STK25: variants seen among roughly 807,000 people sequenced by gnomAD.
STK25 encodes serine/threonine-protein kinase 25.
In STK25, 29 loss-of-function variants were observed where a neutral mutation model predicts 53.8. The ratio of observed to expected loss-of-function variants is 0.54; its 90% CI spans 0.40 to 0.74. The LOEUF (loss-of-function observed/expected upper bound fraction) is 0.74. STK25 is among the 30% of genes least tolerant of loss of function. The pLI, the probability that STK25 is intolerant of heterozygous loss-of-function variation, is 0.00. For synonymous variants in STK25, 247 were observed against 238.3 expected (o/e 1.04, Z -0.33); for missense variants, 420 against 568.0 (o/e 0.74, Z 2.65).
intron 2 of STK25, chr2:241,502,006 A>C (rs1193583174): frequency 1.3e-5 from 4 of 313,438 alleles, no homozygotes; most frequent in Non-Finnish European, 2.5e-5. Flanking sequence ...CATCTCTAAT[A>C]CAAAAAAATT....
rs143517612 is a variant in STK25, at chr2:241,506,081, C to T, written c.30+1925G>A. 2.6e-3 allele frequency among the ~76,000 whole-genome samples: 392 copies of T among 152,348 alleles called. 2 individuals are homozygous for T. Among genetic ancestry groups the T allele is most frequent in the African/African-American group, 7.9e-3 (328 of 41,586 alleles). On this transcript the variant is annotated intron_variant, in intron 2 of 11. Coordinates refer to ENST00000316586, the MANE Select transcript of STK25 (RefSeq NM_001271977.2). ...AGTGCTCTGGCACCCCACAGCCATT[C>T]GGGCCCTCCAGGGCCAGGCAGGAAC...
chr2:241,507,592 C>A (rs2065915161), intron 2 of STK25, among the ~76,000 whole-genome samples: 1 of 152,232 alleles, frequency 6.6e-6, no homozygotes, highest in Non-Finnish European at 1.5e-5. Flanking sequence ...CAGCCCCTGC[C>A]CAGCCCAACA....
rs990056006 is a variant in STK25 at position 241,508,429 on chromosome 2, G to A, written c.-101+14C>T. On this transcript the variant is annotated intron_variant, in intron 1 of 11. Transcript: ENST00000316586. ...CCCAATCGCCGCAAGCGCCCCGCCC[G>A]GCAGCGCGCCCACCTCCGCGGGGCT... 1 of 1,051,154 alleles carries A rather than the reference G, an allele frequency of 9.5e-7. No individual in the cohort carries two copies. Among genetic ancestry groups the A allele is most frequent in the South Asian group, 2.7e-5 (1 of 36,884 alleles). The allele number at this position is 1,051,154 out of a possible 1,614,324, so 65.1% of individuals were successfully genotyped here.
At position 241,493,210 on chromosome 2, in the gene STK25, C is replaced by T; in HGVS notation, c.*2452G>A. 2.0e-6 allele frequency: 3 copies of T among 1,467,870 alleles called. No homozygotes were observed. The East Asian group carries it at 6.8e-5, about 33-fold the overall frequency. 90.9% of individuals were successfully genotyped at this position (1,467,870 alleles called of 1,614,324 possible). A position where few individuals can be genotyped will look rare whatever the true frequency, so the allele number is the denominator to read the frequency against. ...TTGGCCCGTGGGCATTTGTACGTGC[C>T]ACCGTTGTGCAGGTAGCAGAGGAAT... On this transcript the variant is annotated 3_prime_UTR_variant, in exon 12 of 12. Transcript: ENST00000316586.
rs766948856 is a variant in STK25 at position 241,495,718 on chromosome 2, C to T, written c.1242-17G>A. On this transcript the variant is annotated splice_polypyrimidine_tract_variant and intron_variant, in intron 11 of 11. Coordinates refer to ENST00000316586, the MANE Select transcript of STK25 (RefSeq NM_001271977.2). Reference sequence around the variant, plus strand: ...TGTGAAAACCTGCAGAGAGAAGAGCCCACTGCTGCGTGCGTGCACCTCTGT... The same window carrying T: ...TGTGAAAACCTGCAGAGAGAAGAGCTCACTGCTGCGTGCGTGCACCTCTGT... The T allele has an allele frequency of 1.4e-5, 23 of 1,613,938 alleles. No homozygotes were observed. The East Asian group carries it at 4.2e-4, about 30-fold the overall frequency.
chr2:241,493,950 T>C lies in STK25; in HGVS notation c.*1712A>G. The C allele has an allele frequency of 8.9e-7, 1 of 1,117,640 alleles. No homozygotes were observed. The highest frequency in any genetic ancestry group is 1.2e-6 in the Non-Finnish European group (1 of 822,512). 69.2% of individuals were successfully genotyped at this position (1,117,640 alleles called of 1,614,324 possible). On this transcript the variant is annotated 3_prime_UTR_variant, in exon 12 of 12. Transcript: ENST00000316586. ...CTTGTCCCATATCCTGGGTTGTTCT[T>C]GGGACAGTGTCTGAGCACAAGATGG... is the stretch of plus-strand genomic sequence containing the variant.
intron 7 of STK25, 58 bp from the exon 8 acceptor site, chr2:241,498,842 A>G: frequency 6.2e-7 from 1 of 1,609,198 alleles, no homozygotes; most frequent in South Asian, 1.1e-5. Context: ...GCCTAAGGGA[A>G]GCAAACGTGA....
In STK25 at chr2:241,501,422, A is replaced by G. The variant is rs2065504443; in HGVS notation, c.261+56T>C. 6.5e-7 allele frequency: 1 copy of G among 1,549,170 alleles called. No individual in the cohort carries two copies. The highest frequency in any genetic ancestry group is 8.9e-7 in the Non-Finnish European group (1 of 1,129,914). Reference sequence around the variant, plus strand: ...TGGCATGTCACTCAGTCCCTCTGACATGGAAGAGAGCCGGGCACAGCACCA... The same window carrying G: ...TGGCATGTCACTCAGTCCCTCTGACGTGGAAGAGAGCCGGGCACAGCACCA... On this transcript the variant is annotated intron_variant, in intron 3 of 11. Transcript: ENST00000316586. This position sits in a 1 kb window ranked among gnomAD's most constrained non-coding sequence, Gnocchi z 5.3.
upstream of STK25, chr2:241,509,213 G>A (rs2066029993): frequency 6.6e-6 from 1 of 152,500 alleles, no homozygotes; most frequent in African/African-American, 2.4e-5. Flanking sequence ...TCCTGCCTCA[G>A]TTTCCTTACC....
At position 241,501,649 on chromosome 2, in the gene STK25, C is replaced by T. The variant is rs757012371; in HGVS notation, c.90G>A (p.Ser30=). The change falls in exon 3 of 12, where the codon TCG becomes TCA. Residue 30 remains serine, a synonymous_variant. Transcript: ENST00000316586. This position sits in a 1 kb window ranked among gnomAD's most constrained non-coding sequence, Gnocchi z 5.3. ...CGATGCCCTTGTAGACCTCCCCAAA[C>T]GAGCCCTTGCCAATGCGGTCGAGCT... is the stretch of plus-strand genomic sequence containing the variant. ...FTKLDRIGKG[S]FGEVYKGIDN... is the part of the protein sequence containing the mutation. 1.5e-5 allele frequency: 25 copies of T among 1,613,960 alleles called. No individual in the cohort carries two copies. The highest frequency in any genetic ancestry group is 8.0e-5 in the African/African-American group (6 of 74,924).
chr2:241,507,544 C>G (rs559522906), intron 2 of STK25, among the ~76,000 whole-genome samples: 2 of 152,264 alleles, frequency 1.3e-5, no homozygotes, highest in Non-Finnish European at 1.5e-5. Flanking sequence ...TGCTTCTCCA[C>G]AATCTCAGCC....
chr2:241,495,786 GCAGCCC>G, intron 11 of STK25, 85 bp from the exon 12 acceptor site: 2 of 1,474,144 alleles, frequency 1.4e-6, no homozygotes, highest in South Asian at 2.3e-5. Context: ...GTCTGCGGTG[GCAGCCC>G]TGACAAGCCA....
rs143143846 is a variant in STK25 at position 241,498,319 on chromosome 2, G to C, written c.948C>G (p.Gly316=). The part of the protein sequence containing the change: ...IDGEAEDGEQ[G]PIWTFPPTIR... ...TGGTAGGGGGGAACGTCCAGATGGGGCCCTGCTCCCCGTCCTCCGCCTCGC... is the reference window on the plus strand; with the variant it reads ...TGGTAGGGGGGAACGTCCAGATGGGCCCCTGCTCCCCGTCCTCCGCCTCGC... The change falls in exon 9 of 12, where the codon GGC becomes GGG. Residue 316 remains glycine, a synonymous_variant. Coordinates refer to ENST00000316586, the MANE Select transcript of STK25 (RefSeq NM_001271977.2). The C allele has an allele frequency of 7.5e-6, 12 of 1,603,994 alleles. No homozygotes were observed. The African/African-American group carries it at 1.6e-4, about 21-fold the overall frequency.
rs1311274954 is a variant in STK25, at chr2:241,501,178, AC to A, written c.261+299del. 3.6e-6 allele frequency: 2 copies of A among 551,016 alleles called. No homozygotes were observed. The highest frequency in any genetic ancestry group is 1.9e-5 in the African/African-American group (1 of 52,906). The allele number at this position is 551,016 out of a possible 1,614,324, so 34.1% of individuals were successfully genotyped here. On this transcript the variant is annotated intron_variant, in intron 3 of 11. Coordinates refer to ENST00000316586, the MANE Select transcript of STK25 (RefSeq NM_001271977.2). The surrounding 1 kb of genome is among the most constrained non-coding windows in gnomAD (Gnocchi z 5.3). ...TCCCTACACCCCAGACACTGGCACC[AC>A]CAGCCACCTGCTCCTCACAGGCCCA... is the stretch of plus-strand genomic sequence containing the variant.
At position 241,508,068 on chromosome 2, in the gene STK25, C is replaced by T. The variant is rs1232700486; in HGVS notation, c.-33G>A. 3.1e-6 allele frequency: 5 copies of T among 1,588,382 alleles called. No individual in the cohort carries two copies. Among genetic ancestry groups the T allele is most frequent in the Non-Finnish European group, 4.3e-6 (5 of 1,169,098 alleles). On this transcript the variant is annotated 5_prime_UTR_variant, in exon 2 of 12. Coordinates refer to ENST00000316586, the MANE Select transcript of STK25 (RefSeq NM_001271977.2). ...CCGCCTCAGACCCTCCGCCAGCAGCCCCAGGAGGCGTCTGGATCCCGCGGA... is the reference window on the plus strand; with the variant it reads ...CCGCCTCAGACCCTCCGCCAGCAGCTCCAGGAGGCGTCTGGATCCCGCGGA...
In STK25 at chr2:241,496,590, C is replaced by A; in HGVS notation, c.1105-56G>T. ...ACCCCAGGACAGGCCTTCAGGGAGC[C>A]TGCTCCTTTGCTCGGCCACAGTGAT... On this transcript the variant is annotated intron_variant, in intron 10 of 11. Coordinates refer to ENST00000316586, the MANE Select transcript of STK25 (RefSeq NM_001271977.2). The surrounding 1 kb of genome is among the most constrained non-coding windows in gnomAD (Gnocchi z 5.8). 1 of 1,577,930 alleles carries A rather than the reference C, an allele frequency of 6.3e-7. No homozygotes were observed.
rs766721848 is a variant in STK25, at chr2:241,498,439, C to T, written c.918-90G>A. The T allele has an allele frequency of 5.8e-4, 772 of 1,341,926 alleles. 4 individuals are homozygous for T. The highest frequency in any genetic ancestry group is 2.4e-3 in the Middle Eastern group (9 of 3,766). 83.1% of individuals were successfully genotyped at this position (1,341,926 alleles called of 1,614,324 possible). A position where few individuals can be genotyped will look rare whatever the true frequency, so the allele number is the denominator to read the frequency against. On this transcript the variant is annotated intron_variant, in intron 8 of 11. Transcript: ENST00000316586. ...GCACACCTCACGGCCAAGGGAAACC[C>T]GAGGTACCAGACGGGGCTCTGCCAG... is the stretch of plus-strand genomic sequence containing the variant.
intron 2 of STK25, among the ~76,000 whole-genome samples, chr2:241,505,713 A>G (rs2065781963): frequency 6.6e-6 from 1 of 152,176 alleles, no homozygotes; most frequent in African/African-American, 2.4e-5. Flanking sequence ...AGGGCTCATC[A>G]GCCCAAGCAG....
chr2:241,493,941 G>C lies in STK25; in HGVS notation c.*1721C>G. The C allele has an allele frequency of 9.9e-7, 1 of 1,009,894 alleles. No individual in the cohort carries two copies. The highest frequency in any genetic ancestry group is 1.4e-6 in the Non-Finnish European group (1 of 725,314). 62.6% of individuals were successfully genotyped at this position (1,009,894 alleles called of 1,614,324 possible). A position where few individuals can be genotyped will look rare whatever the true frequency, so the allele number is the denominator to read the frequency against. On this transcript the variant is annotated 3_prime_UTR_variant, in exon 12 of 12. Coordinates refer to ENST00000316586, the MANE Select transcript of STK25 (RefSeq NM_001271977.2). ...TTTGTCCTGCTTGTCCCATATCCTGGGTTGTTCTTGGGACAGTGTCTGAGC... is the reference window on the plus strand; with the variant it reads ...TTTGTCCTGCTTGTCCCATATCCTGCGTTGTTCTTGGGACAGTGTCTGAGC...
Sources: allele counts gnomAD v4.1 joint callset (sites outside exome capture counted in the v4.1 genomes callset), GRCh38; gene constraint gnomAD v4.1.1; non-coding constraint Gnocchi (gnomAD v3.1); transcripts MANE v1.5; gene names NCBI Gene and HGNC (gene_info 2026-07-23, HGNC 2026-07-21).